SNRNP40: variants seen among roughly 807,000 people sequenced by gnomAD.
SNRNP40 encodes the protein small nuclear ribonucleoprotein U5 subunit 40.
A neutral mutation model predicts 45.8 loss-of-function variants in SNRNP40; 21 were observed. The ratio of observed to expected loss-of-function variants is 0.46; its 90% CI spans 0.32 to 0.66. The LOEUF is 0.66. SNRNP40 is among the 30% of genes least tolerant of loss of function. The pLI, the probability that SNRNP40 is intolerant of heterozygous loss-of-function variation, is 0.03. For missense variants in SNRNP40, 344 were observed against 439.1 expected (o/e 0.78, Z 1.94); for synonymous variants, 142 against 163.8 (o/e 0.87, Z 1.01).
chr1:31,274,378 A>C (rs552766464), intron 5 of SNRNP40, among the ~76,000 whole-genome samples: 1 of 152,040 alleles, frequency 6.6e-6, no homozygotes, highest in African/African-American at 2.4e-5. Flanking sequence ...CTGGGACTAC[A>C]GGCGCGCACC....
chr1:31,280,950 T>C (rs554778799), intron 5 of SNRNP40, among the ~76,000 whole-genome samples: 4 of 152,202 alleles, frequency 2.6e-5, no homozygotes, highest in Non-Finnish European at 5.9e-5. Context: ...TATCATTACC[T>C]TCTCTCATTC....
chr1:31,268,812 T>A (rs1437067327), intron 7 of SNRNP40, among the ~76,000 whole-genome samples: 2 of 152,154 alleles, frequency 1.3e-5, no homozygotes, highest in Non-Finnish European at 2.9e-5. Flanking sequence ...AGGGAGACCA[T>A]CCAGGTTACA....
At chr1:31,293,101 C>CCAAG (rs1377296219) in intron 2 of SNRNP40, 118 bp downstream of exon 2, 5 of 1,072,166 alleles carry the variant, frequency 4.7e-6, no homozygotes, top group Non-Finnish European at 6.9e-6. Flanking sequence ...AGCATATTAG[C>CCAAG]CATGCAGCCT....
Position 31,260,008 on chromosome 1 carries a change from GGCATCACTTA to G in SNRNP40, c.*54_*63del, listed in dbSNP as rs1645847020. The stretch of plus-strand genomic sequence containing the variant: ...GTGCTAGCCTGGACATCCAACATTT[GGCATCACTTA>G]TGCAGTCTGAGGTCTCAAAGACAAG... On this transcript the variant is annotated 3_prime_UTR_variant, in exon 10 of 10. Coordinates refer to ENST00000263694, the MANE Select transcript of SNRNP40 (RefSeq NM_004814.3). 1 of 1,166,178 alleles carries G rather than the reference GGCATCACTTA, an allele frequency of 8.6e-7. No individual in the cohort carries two copies. The highest frequency in any genetic ancestry group is 1.3e-6 in the Non-Finnish European group (1 of 771,842). 72.2% of individuals were successfully genotyped at this position (1,166,178 alleles called of 1,614,324 possible). A position where few individuals can be genotyped will look rare whatever the true frequency, so the allele number is the denominator to read the frequency against.
intron 5 of SNRNP40, among the ~76,000 whole-genome samples, chr1:31,280,113 C>CAAAAAA (rs577919252): frequency 1.5e-5 from 1 of 67,628 alleles, no homozygotes; most frequent in Admixed American, 2.1e-4. Flanking sequence ...GACTCTGACT[C>CAAAAAA]AAAAAAAAAA....
intron 6 of SNRNP40, among the ~76,000 whole-genome samples, chr1:31,270,407 C>T (rs543656530): frequency 1.3e-5 from 2 of 152,110 alleles, no homozygotes; most frequent in African/African-American, 2.4e-5. Flanking sequence ...GCCTGGGCAA[C>T]ACAGCAAGAT....
At chr1:31,286,669 G>A (rs530345653) in intron 4 of SNRNP40, among the ~76,000 whole-genome samples, 13 of 152,154 alleles carry the variant, frequency 8.5e-5, no homozygotes, top group African/African-American at 3.1e-4. Flanking sequence ...ACCCCATTAG[G>A]GCACTGTTGG....
chr1:31,261,996 G>C (rs914475366), intron 8 of SNRNP40, among the ~76,000 whole-genome samples: 17 of 152,170 alleles, frequency 1.1e-4, no homozygotes, highest in African/African-American at 3.4e-4. Flanking sequence ...TACTCATCCA[G>C]GAAATCTAAA....
At position 31,259,747 on chromosome 1, in the gene SNRNP40, G is replaced by T; in HGVS notation, c.*325C>A. ...AATACAGAAAGAAAATATCATACAAGCCAGTTACAAAAAAAAAAAAAAAAT... is the reference window on the plus strand; with the variant it reads ...AATACAGAAAGAAAATATCATACAATCCAGTTACAAAAAAAAAAAAAAAAT... On this transcript the variant is annotated 3_prime_UTR_variant, in exon 10 of 10. Transcript: ENST00000263694. 1 of 457,594 alleles carries T rather than the reference G, an allele frequency of 2.2e-6. No individual in the cohort carries two copies. Among genetic ancestry groups the T allele is most frequent in the Non-Finnish European group, 3.9e-6 (1 of 255,354 alleles). 28.3% of individuals were successfully genotyped at this position (457,594 alleles called of 1,614,324 possible).
intron 6 of SNRNP40, 109 bp from the exon 7 acceptor site, chr1:31,269,349 T>A: frequency 6.6e-7 from 1 of 1,520,972 alleles, no homozygotes; most frequent in Non-Finnish European, 8.8e-7. Flanking sequence ...AGATGCTGTT[T>A]CCTCGGTGGG....
chr1:31,272,772 ACAG>A (rs1426118414), intron 5 of SNRNP40, among the ~76,000 whole-genome samples: 1 of 152,222 alleles, frequency 6.6e-6, no homozygotes, highest in Non-Finnish European at 1.5e-5. Flanking sequence ...AAAATACAAA[ACAG>A]TATTTATCTT....
intron 1 of SNRNP40, 142 bp downstream of exon 1, chr1:31,296,469 A>T: frequency 8.7e-7 from 1 of 1,145,886 alleles, no homozygotes; most frequent in South Asian, 1.6e-5. Context: ...GGGAGCTTTT[A>T]CAGTGTTTAT....
chr1:31,289,527 C>A (rs1532858), intron 3 of SNRNP40, 108 bp from the exon 4 acceptor site: 1 of 935,346 alleles, frequency 1.1e-6, no homozygotes, highest in Admixed American at 2.0e-5. Flanking sequence ...CACTGACCTG[C>A]TGTGCTACGC....
At chr1:31,269,290 G>C in intron 6 of SNRNP40, 50 bp from the exon 7 acceptor site, 1 of 1,607,800 alleles carries the variant, frequency 6.2e-7, no homozygotes, top group Non-Finnish European at 8.5e-7. Context: ...CTATCGGCCA[G>C]AGGCCTCCTG....
chr1:31,262,964 T>C (rs1163623197), intron 8 of SNRNP40, among the ~76,000 whole-genome samples: 1 of 151,762 alleles, frequency 6.6e-6, no homozygotes, highest in Non-Finnish European at 1.5e-5. Flanking sequence ...ATGGCACCAC[T>C]GCACCCCAGC....
Position 31,293,274 on chromosome 1 carries a change from G to C in SNRNP40, c.216C>G (p.Cys72Trp), listed in dbSNP as rs775686778. 6.2e-7 allele frequency: 1 copy of C among 1,614,138 alleles called. No homozygotes were observed. The highest frequency in any genetic ancestry group is 1.1e-5 in the South Asian group (1 of 91,072). The change falls in exon 2 of 10, where the codon TGC becomes TGG. Residue 72 changes from cysteine (C) to tryptophan (W), a missense_variant. Around this residue, in one of 2 missense-constraint regions of SNRNP40, gnomAD observed 254 missense variants for 380.2 expected, o/e 0.67. Coordinates refer to ENST00000263694, the MANE Select transcript of SNRNP40 (RefSeq NM_004814.3). ...LSGHEGEVYC[C>W]KFHPNGSTLA... is the part of the protein sequence containing the mutation. ...AGGTGGATCCGTTGGGGTGGAACTT[G>C]CAGCAGTAGACTTCCCCTTCATGTC...
chr1:31,260,690 C>T (rs1569627214), intron 9 of SNRNP40, among the ~76,000 whole-genome samples: 2 of 151,114 alleles, frequency 1.3e-5, no homozygotes, highest in South Asian at 2.1e-4. Flanking sequence ...GGTGAAACCT[C>T]GTCTCTACTA....
intron 3 of SNRNP40, 121 bp from the exon 4 acceptor site, chr1:31,289,540 G>T: frequency 1.2e-6 from 1 of 805,334 alleles, no homozygotes; most frequent in Non-Finnish European, 2.0e-6. Context: ...TGCTACGCCA[G>T]TTTGCCCATG....
chr1:31,293,696 C>T (rs1646122427), intron 1 of SNRNP40, among the ~76,000 whole-genome samples: 1 of 152,158 alleles, frequency 6.6e-6, no homozygotes, highest in Non-Finnish European at 1.5e-5. Flanking sequence ...ATCCTCCTGC[C>T]TCAGCCTCCT....
Sources: allele counts gnomAD v4.1 joint callset (sites outside exome capture counted in the v4.1 genomes callset), GRCh38; gene constraint gnomAD v4.1.1; regional missense constraint gnomAD v4.1.1; transcripts MANE v1.5; gene names NCBI Gene and HGNC (gene_info 2026-07-23, HGNC 2026-07-21).